Variants in TMCC1 observed in about 807,000 individuals in gnomAD.
The protein encoded by TMCC1 is transmembrane and coiled-coil domain family 1, also known as transmembrane and coiled-coil domains protein 1.
A neutral mutation model predicts 52.4 loss-of-function variants in TMCC1; 15 were observed. The ratio of observed to expected loss-of-function variants is 0.29; its 90% CI spans 0.19 to 0.44. The LOEUF (loss-of-function observed/expected upper bound fraction) is 0.44, where lower values mean the gene tolerates loss of function less well. TMCC1 is among the 20% of genes least tolerant of loss of function. The probability of loss-of-function intolerance (pLI) is 1.00; values close to 1 mark genes in which losing one functional copy is unlikely to be tolerated. For synonymous variants in TMCC1, 279 were observed against 301.9 expected (o/e 0.92, Z 0.79); for missense variants, 503 against 806.0 (o/e 0.62, Z 4.55).
intron 2 of TMCC1, among the ~76,000 whole-genome samples, chr3:129,879,885 A>T (rs2061384246): frequency 6.6e-6 from 1 of 152,208 alleles, no homozygotes; most frequent in African/African-American, 2.4e-5. Context: ...ATAAGAATGC[A>T]AGCTACAGCT....
At chr3:129,738,573 TAA>T (rs2051183183) in intron 4 of TMCC1, among the ~76,000 whole-genome samples, 1 of 152,130 alleles carries the variant, frequency 6.6e-6, no homozygotes, top group Non-Finnish European at 1.5e-5. Flanking sequence ...AATTAAAGAA[TAA>T]AAGTTATAAT....
At position 129,653,072 on chromosome 3, in the gene TMCC1, C is replaced by CT. The variant is rs1390485063; in HGVS notation, c.1648-1278dup. Among the ~76,000 whole-genome samples the CT allele has an allele frequency of 1.8e-4, 27 of 151,272 alleles. No homozygotes were observed. The East Asian group carries it at 2.5e-3, about 14-fold the overall frequency. ...ACTATAGGAATCGATTCACAACTTG[C>CT]TTTTTTTTTCATTCAACAGTGGGTC... On this transcript the variant is annotated intron_variant, in intron 6 of 6. Coordinates refer to ENST00000393238, the MANE Select transcript of TMCC1 (RefSeq NM_001017395.5).
rs35240365 is a variant in TMCC1 at position 129,838,752 on chromosome 3, C to CA, written c.-183-5927dup. ...TGGGTGACAGAGCAAGACTCTGTCT[C>CA]AAAAAAAAAAAAAAAAAAAAAAAAA... On this transcript the variant is annotated intron_variant, in intron 2 of 6. Coordinates refer to ENST00000393238, the MANE Select transcript of TMCC1 (RefSeq NM_001017395.5). Among the ~76,000 whole-genome samples, 82 of 65,828 alleles carry CA rather than the reference C, an allele frequency of 1.2e-3. 6 individuals are homozygous for CA. The highest frequency in any genetic ancestry group is 1.8e-3 in the Admixed American group (7 of 3,988). The allele number at this position is 65,828 out of a possible 152,430, so 43.2% of individuals were successfully genotyped here.
At chr3:129,862,439 C>T (rs192178552) in intron 2 of TMCC1, among the ~76,000 whole-genome samples, 42 of 152,238 alleles carry the variant, frequency 2.8e-4, no homozygotes, top group South Asian at 8.3e-4. Context: ...TACAGATACT[C>T]TGTACTATCT....
chr3:129,801,100 T>A (rs570762345), intron 4 of TMCC1, among the ~76,000 whole-genome samples: 1 of 152,016 alleles, frequency 6.6e-6, no homozygotes, highest in South Asian at 2.1e-4. Context: ...ATTTTTTGTA[T>A]TTTTAGTAGA....
chr3:129,845,043 G>C (rs1004243682), intron 2 of TMCC1, among the ~76,000 whole-genome samples: 1 of 151,980 alleles, frequency 6.6e-6, no homozygotes, highest in Non-Finnish European at 1.5e-5. Context: ...ACAAAAATTA[G>C]GTGGGTGTGG....
chr3:129,697,171 C>T (rs928205378), intron 4 of TMCC1, among the ~76,000 whole-genome samples: 4 of 152,246 alleles, frequency 2.6e-5, no homozygotes, highest in African/African-American at 9.6e-5. Context: ...TCTGCCCCTG[C>T]AGCAAACTTT....
intron 2 of TMCC1, among the ~76,000 whole-genome samples, chr3:129,875,490 CAAAAAAAAAAA>C (rs370431347): frequency 1.2e-3 from 20 of 17,324 alleles, no homozygotes; most frequent in African/African-American, 3.2e-3. Flanking sequence ...GACTCCATCT[CAAAAAAAAAAA>C]AAAAAAAAAA....
rs1210830837 is a variant in TMCC1 at position 129,872,169 on chromosome 3, T to C, written c.-184+8140A>G. Among the ~76,000 whole-genome samples the C allele has an allele frequency of 1.3e-5, 2 of 152,250 alleles. 1 individual carries two copies. The highest frequency in any genetic ancestry group is 2.9e-5 in the Non-Finnish European group (2 of 68,050). ...TGTTATTCCAACAGCCATTTCTCCC[T>C]TCTTCCTCATTAACCAGAATTCACA... On this transcript the variant is annotated intron_variant, in intron 2 of 6. Coordinates refer to ENST00000393238, the MANE Select transcript of TMCC1 (RefSeq NM_001017395.5).
At chr3:129,829,969 A>G (rs565860831) in intron 3 of TMCC1, among the ~76,000 whole-genome samples, 50 of 152,304 alleles carry the variant, frequency 3.3e-4, no homozygotes, top group Non-Finnish European at 6.6e-4. Context: ...TAATCTCTTC[A>G]TAACAGAGGA....
chr3:129,765,691 A>G (rs1276756672), intron 4 of TMCC1, among the ~76,000 whole-genome samples: 3 of 152,298 alleles, frequency 2.0e-5, no homozygotes, highest in Non-Finnish European at 4.4e-5. Context: ...TCAGTGGTAG[A>G]GCAACCTCTA....
At chr3:129,849,726 A>T (rs1399623983) in intron 2 of TMCC1, among the ~76,000 whole-genome samples, 8 of 151,634 alleles carry the variant, frequency 5.3e-5, no homozygotes, top group African/African-American at 1.9e-4. Flanking sequence ...AGATCACACC[A>T]CCGCACTACA....
intron 4 of TMCC1, among the ~76,000 whole-genome samples, chr3:129,772,242 C>T (rs555575645): frequency 9.9e-4 from 151 of 152,104 alleles, no homozygotes; most frequent in African/African-American, 3.4e-3. Flanking sequence ...CCTGTGGTCC[C>T]AGGCTGAGGT....
At chr3:129,871,285 G>A (rs1359589656) in intron 2 of TMCC1, among the ~76,000 whole-genome samples, 1 of 150,982 alleles carries the variant, frequency 6.6e-6, no homozygotes, top group African/African-American at 2.4e-5. Flanking sequence ...CTTGAACCCA[G>A]GAAGTGGAGG....
chr3:129,717,080 C>A (rs1221487430), intron 4 of TMCC1, among the ~76,000 whole-genome samples: 1 of 152,234 alleles, frequency 6.6e-6, no homozygotes, highest in East Asian at 1.9e-4. Context: ...TGACTCCATT[C>A]CCTTCACCAG....
chr3:129,686,978 C>A (rs2089451709), intron 4 of TMCC1, among the ~76,000 whole-genome samples: 1 of 152,302 alleles, frequency 6.6e-6, no homozygotes, highest in Admixed American at 6.5e-5. Flanking sequence ...AAGGATTTAT[C>A]TATTCACTGC....
At chr3:129,783,237 T>C (rs2055684862) in intron 4 of TMCC1, among the ~76,000 whole-genome samples, 1 of 152,222 alleles carries the variant, frequency 6.6e-6, no homozygotes, top group Non-Finnish European at 1.5e-5. Context: ...TTAGTCTCTA[T>C]ATATCTAAAT....
intron 5 of TMCC1, chr3:129,656,824 ACT>A (rs534472801): frequency 1.3e-5 from 2 of 152,100 alleles, no homozygotes; most frequent in Non-Finnish European, 2.9e-5. Context: ...GTTCTCTGTG[ACT>A]CTGCCTTTTC....
chr3:129,804,345 C>A (rs1268160635), intron 4 of TMCC1, among the ~76,000 whole-genome samples: 1 of 152,108 alleles, frequency 6.6e-6, no homozygotes, highest in Non-Finnish European at 1.5e-5. Flanking sequence ...TTGTGCTATT[C>A]TTTGAGTGGT....
Sources: gnomAD v4.1 joint callset for allele counts (sites outside exome capture counted in the v4.1 genomes callset) on GRCh38, gnomAD v4.1.1 for gene constraint, MANE v1.5 for transcripts, NCBI Gene and HGNC (gene_info 2026-07-23, HGNC 2026-07-21) for gene names.